ZNF100: variants seen among roughly 807,000 people sequenced by gnomAD.
The protein encoded by ZNF100 is zinc finger protein 100 (Y1).
Under a neutral mutation model 15.8 loss-of-function variants are expected in ZNF100, and 12 were observed. The observed-to-expected ratio is 0.76, with a 90% CI of 0.49 to 1.23. The LOEUF (loss-of-function observed/expected upper bound fraction) is 1.23. Among genes scored for constraint, ZNF100 ranks in the 50% most tolerant of loss-of-function variants. The pLI is 0.00. For synonymous variants in ZNF100, 226 were observed against 214.8 expected (o/e 1.05, Z -0.45); for missense variants, 670 against 635.6 (o/e 1.05, Z -0.58).
Position 21,726,518 on chromosome 19 carries a change from G to T in ZNF100, c.*165C>A. The T allele has an allele frequency of 3.1e-6, 2 of 645,242 alleles. No individual in the cohort carries two copies. Among genetic ancestry groups the T allele is most frequent in the Non-Finnish European group, 5.0e-6 (2 of 397,910 alleles). The allele number at this position is 645,242 out of a possible 1,614,324, so 40.0% of individuals were successfully genotyped here. ...TTTCAAAGCACTGTCACATCTTTCT[G>T]GTTTGTAGAATTTCTCTCTAGTATG... On this transcript the variant is annotated 3_prime_UTR_variant, in exon 5 of 5. Coordinates refer to ENST00000358296, the MANE Select transcript of ZNF100 (RefSeq NM_173531.4).
At position 21,727,799 on chromosome 19, in the gene ZNF100, A is replaced by C; in HGVS notation, c.513T>G (p.Thr171=). 2 of 1,613,398 alleles carry C rather than the reference A, an allele frequency of 1.2e-6. No individual in the cohort carries two copies. Among genetic ancestry groups the C allele is most frequent in the Non-Finnish European group, 1.7e-6 (2 of 1,179,760 alleles). Residue 171 remains threonine (T), a synonymous_variant, in exon 5 of 5, where the codon ACT becomes ACG. Coordinates refer to ENST00000358296, the MANE Select transcript of ZNF100 (RefSeq NM_173531.4). The part of the protein sequence containing the change: ...HDNKLNQCLI[T]TQSNIFQCDP... The stretch of plus-strand genomic sequence containing the variant: ...CACATTGAAATATGTTGCTCTGGGT[A>C]GTTATCAAACACTGGTTTAATTTGT...
At chr19:21,753,213 T>C (rs1036303911) in intron 2 of ZNF100, 3 of 152,020 alleles carry the variant, frequency 2.0e-5, no homozygotes, top group Admixed American at 2.0e-4. Flanking sequence ...CCTATAGAAA[T>C]AGCTACTGCA....
In ZNF100 at chr19:21,726,543, G is replaced by C; in HGVS notation, c.*140C>G. On this transcript the variant is annotated 3_prime_UTR_variant, in exon 5 of 5. Coordinates refer to ENST00000358296, the MANE Select transcript of ZNF100 (RefSeq NM_173531.4). Reference sequence around the variant, plus strand: ...GGTTTGTAGAATTTCTCTCTAGTATGAATTATCTTATGTCTGTTAGGAATT... The same window carrying C: ...GGTTTGTAGAATTTCTCTCTAGTATCAATTATCTTATGTCTGTTAGGAATT... The C allele has an allele frequency of 1.4e-6, 1 of 725,494 alleles. No individual in the cohort carries two copies. Among genetic ancestry groups the C allele is most frequent in the South Asian group, 2.6e-5 (1 of 38,440 alleles). The allele number at this position is 725,494 out of a possible 1,614,324, so 44.9% of individuals were successfully genotyped here.
chr19:21,724,645 T>C lies in ZNF100; in HGVS notation c.*2038A>G, dbSNP rs1283840078. 1 of 150,556 alleles carries C rather than the reference T, an allele frequency of 6.6e-6. No individual in the cohort carries two copies. The highest frequency in any genetic ancestry group is 1.5e-5 in the Non-Finnish European group (1 of 67,634). The allele number at this position is 150,556 out of a possible 1,614,324, so 9.3% of individuals were successfully genotyped here. A position where few individuals can be genotyped will look rare whatever the true frequency, so the allele number is the denominator to read the frequency against. The stretch of plus-strand genomic sequence containing the variant: ...TACTAGAGGTGATGGATACCTCATT[T>C]ACCCTGATGTGATTATTATATACTG... On this transcript the variant is annotated 3_prime_UTR_variant, in exon 5 of 5. Coordinates refer to ENST00000358296, the MANE Select transcript of ZNF100 (RefSeq NM_173531.4).
chr19:21,764,544 G>A (rs1364237101), intron 2 of ZNF100, among the ~76,000 whole-genome samples: 2 of 151,958 alleles, frequency 1.3e-5, no homozygotes, highest in Non-Finnish European at 2.9e-5. Flanking sequence ...GGAGGCTGAG[G>A]CAGGAGAATC....
chr19:21,765,584 A>G, intron 2 of ZNF100, 110 bp downstream of exon 2: 1 of 926,922 alleles, frequency 1.1e-6, no homozygotes, highest in South Asian at 1.6e-5. Flanking sequence ...AGCAGAAATT[A>G]TTTTTGTGTT....
intron 1 of ZNF100, among the ~76,000 whole-genome samples, chr19:21,767,193 A>G (rs1185828791): frequency 1.3e-5 from 2 of 152,188 alleles, no homozygotes; most frequent in African/African-American, 4.8e-5. Flanking sequence ...AGAGCTGCCA[A>G]GAGAGGGCTC....
intron 2 of ZNF100, among the ~76,000 whole-genome samples, chr19:21,758,496 T>C (rs1599405490): frequency 6.6e-6 from 1 of 152,214 alleles, no homozygotes; most frequent in South Asian, 2.1e-4. Context: ...CAGGTGGCGC[T>C]GTACTCTGAT....
Position 21,767,471 on chromosome 19 carries a change from T to A in ZNF100, c.-42A>T. ...GGTCCTGGCGTCTTAGCTGTGGATC[T>A]CCCAATATCTGCAGGTCAGAGGGCC... is the stretch of plus-strand genomic sequence containing the variant. On this transcript the variant is annotated 5_prime_UTR_variant, in exon 1 of 5. Coordinates refer to ENST00000358296, the MANE Select transcript of ZNF100 (RefSeq NM_173531.4). 6.2e-7 allele frequency: 1 copy of A among 1,613,802 alleles called. No individual in the cohort carries two copies. Among genetic ancestry groups the A allele is most frequent in the South Asian group, 1.1e-5 (1 of 91,062 alleles).
chr19:21,767,480 C>CT lies in ZNF100; in HGVS notation c.-52dup, dbSNP rs746092389. 2.2e-5 allele frequency: 35 copies of CT among 1,613,592 alleles called. No individual in the cohort carries two copies. Among genetic ancestry groups the CT allele is most frequent in the Non-Finnish European group, 2.8e-5 (33 of 1,179,776 alleles). On this transcript the variant is annotated 5_prime_UTR_variant, in exon 1 of 5. Coordinates refer to ENST00000358296, the MANE Select transcript of ZNF100 (RefSeq NM_173531.4). Reference sequence around the variant, plus strand: ...GTCTTAGCTGTGGATCTCCCAATATCTGCAGGTCAGAGGGCCACACAGGCT... The same window carrying CT: ...GTCTTAGCTGTGGATCTCCCAATATCTTGCAGGTCAGAGGGCCACACAGGCT...
chr19:21,735,462 C>A (rs1333274345), intron 4 of ZNF100, among the ~76,000 whole-genome samples: 1 of 146,736 alleles, frequency 6.8e-6, no homozygotes, highest in Non-Finnish European at 1.5e-5. Context: ...CCACTGCACT[C>A]CAGACTCCAG....
At chr19:21,731,169 T>C (rs2035910950) in intron 4 of ZNF100, among the ~76,000 whole-genome samples, 3 of 152,156 alleles carry the variant, frequency 2.0e-5, no homozygotes, top group African/African-American at 7.2e-5. Flanking sequence ...GGTTAAAAAG[T>C]AGACTAATAA....
chr19:21,736,216 T>G (rs1050653223), intron 4 of ZNF100, among the ~76,000 whole-genome samples: 2 of 152,074 alleles, frequency 1.3e-5, no homozygotes, highest in African/African-American at 4.8e-5. Flanking sequence ...GCTTCCTGAG[T>G]AGGTGGGATT....
intron 2 of ZNF100, among the ~76,000 whole-genome samples, chr19:21,763,533 T>C (rs929836660): frequency 3.9e-5 from 6 of 152,128 alleles, no homozygotes; most frequent in Non-Finnish European, 8.8e-5. Flanking sequence ...GAGGTTGCAG[T>C]GAGCCGAGAT....
At chr19:21,733,577 A>G (rs200342825) in intron 4 of ZNF100, among the ~76,000 whole-genome samples, 396 of 150,482 alleles carry the variant, frequency 2.6e-3, no homozygotes, top group Admixed American at 0.02. Flanking sequence ...GAAACACATA[A>G]AATAGTAACA....
intron 2 of ZNF100, among the ~76,000 whole-genome samples, chr19:21,760,137 G>A (rs1599407164): frequency 1.4e-5 from 2 of 147,266 alleles, no homozygotes; most frequent in South Asian, 2.1e-4. Context: ...AGCCAAGATC[G>A]AGCCATTGTA....
intron 4 of ZNF100, among the ~76,000 whole-genome samples, chr19:21,742,535 G>A (rs2036135476): frequency 6.6e-6 from 1 of 151,774 alleles, no homozygotes; most frequent in African/African-American, 2.4e-5. Context: ...AAGTTGAAGA[G>A]GTATTTCCTC....
Position 21,745,034 on chromosome 19 carries a change from A to C in ZNF100, c.130T>G (p.Phe44Val), listed in dbSNP as rs2036187177. 1 of 1,613,130 alleles carries C rather than the reference A, an allele frequency of 6.2e-7. No homozygotes were observed. Among genetic ancestry groups the C allele is most frequent in the South Asian group, 1.1e-5 (1 of 90,858 alleles). The part of the protein sequence containing the change: ...PLTFRDVAIE[F>V]SLEEWQCLDS... ...AGGCATTGCCACTCCTCCAGAGAGA[A>C]TTCTATGGCCACATCCCTAAACGTC... Residue 44 changes from phenylalanine (F) to valine (V), a missense_variant, in exon 3 of 5, where the codon TTC becomes GTC. By Grantham distance (50) the Phe-to-Val change is conservative. Transcript: ENST00000358296.
rs868730387 is a variant in ZNF100, at chr19:21,727,837, T to C, written c.475A>G (p.Lys159Glu). 2 of 1,613,396 alleles carry C rather than the reference T, an allele frequency of 1.2e-6. No individual in the cohort carries two copies. The highest frequency in any genetic ancestry group is 2.7e-5 in the African/African-American group (2 of 75,022). ...CKSVDECKVH[K>E]EHDNKLNQCL... ...TGGTTTAATTTGTTATCATGTTCTT[T>C]GTGCACTTTACACTCATCCACACTT... The change falls in exon 5 of 5, where the codon AAA (lysine) becomes GAA (glutamate). Residue 159 changes from lysine (K) to glutamate (E), a missense_variant. Lys to Glu is a moderately conservative substitution (Grantham distance 56). Transcript: ENST00000358296.
Sources: gnomAD v4.1 joint callset for allele counts (sites outside exome capture counted in the v4.1 genomes callset) on GRCh38, gnomAD v4.1.1 for gene constraint, MANE v1.5 for transcripts, NCBI Gene and HGNC (gene_info 2026-07-23, HGNC 2026-07-21) for gene names.